Variants in POC1B observed in about 807,000 individuals in gnomAD.
POC1B encodes POC1 centriolar protein B, also known as POC1 centriolar protein homolog B.
POC1B carries 44 observed loss-of-function variants against 60.6 expected under a neutral mutation model. That is an observed-to-expected ratio of 0.73 (90% confidence interval 0.57 to 0.93). The LOEUF (loss-of-function observed/expected upper bound fraction) is 0.93. Ranked by LOEUF, POC1B falls within the 40% of genes least tolerant of loss-of-function variation. POC1B has a pLI of 0.00. For synonymous variants in POC1B, 180 were observed against 198.9 expected, an observed-to-expected ratio of 0.90 and a Z score of 0.80; for missense variants, 555 against 572.3, an observed-to-expected ratio of 0.97 and a Z score of 0.31.
Position 89,459,697 on chromosome 12 carries a change from T to G in POC1B, c.1054A>C (p.Ile352Leu). Residue 352 changes from isoleucine to leucine, a missense_variant, in exon 10 of 12, where the codon ATC becomes CTC. Physicochemically the swap from Ile to Leu is conservative, Grantham distance 5 (BLOSUM62 2). Coordinates refer to ENST00000313546, the MANE Select transcript of POC1B (RefSeq NM_172240.3). ...TVEINPKLEV[I>L]DLQISTPPVM... is the part of the protein sequence containing the mutation. ...GGGGGAGTAGAGATCTGCAAATCGATTACCTCAAGCTTTGGATTAATCTGT... is the reference window on the plus strand; with the variant it reads ...GGGGGAGTAGAGATCTGCAAATCGAGTACCTCAAGCTTTGGATTAATCTGT... The G allele has an allele frequency of 6.5e-7, 1 of 1,545,756 alleles. No homozygotes were observed. The highest frequency in any genetic ancestry group is 2.3e-5 in the East Asian group (1 of 42,792).
intron 2 of POC1B, chr12:89,502,687 T>G: frequency 1.5e-6 from 2 of 1,333,844 alleles, no homozygotes; most frequent in South Asian, 1.2e-5. Context: ...TGAAGGTATA[T>G]AACACATTGG....
chr12:89,433,298 A>G (rs1370621702), intron 10 of POC1B, among the ~76,000 whole-genome samples: 1 of 152,312 alleles, frequency 6.6e-6, no homozygotes, highest in South Asian at 2.1e-4. Flanking sequence ...TGATAGAAAG[A>G]GCAAGCATAA....
At chr12:89,502,427 C>A in intron 2 of POC1B, 1 of 1,363,790 alleles carries the variant, frequency 7.3e-7, no homozygotes, top group Non-Finnish European at 1.0e-6. Context: ...GGAATACTAT[C>A]TCCAGGCAAA....
intron 10 of POC1B, among the ~76,000 whole-genome samples, chr12:89,436,185 T>C (rs539215426): frequency 6.6e-5 from 10 of 152,070 alleles, no homozygotes; most frequent in African/African-American, 2.2e-4. Context: ...TCTCTTGACC[T>C]TGTGATCCAC....
At chr12:89,407,408 T>C in the POC1B span, among the ~76,000 whole-genome samples, 3 of 151,896 alleles carry the variant, frequency 2.0e-5, no homozygotes, top group African/African-American at 7.2e-5. Context: ...AATTTTTTTT[T>C]GTATTTTTAG....
At chr12:89,524,557 C>G in intron 2 of POC1B, 1 of 1,610,958 alleles carries the variant, frequency 6.2e-7, no homozygotes, top group African/African-American at 1.3e-5. Context: ...CATCCGGATT[C>G]TCAGGGCTGA....
At chr12:89,456,236 G>C (rs1294034985) in intron 10 of POC1B, among the ~76,000 whole-genome samples, 4 of 152,206 alleles carry the variant, frequency 2.6e-5, no homozygotes, top group African/African-American at 9.6e-5. Flanking sequence ...GGCCAGGCTA[G>C]TCCGGAACCC....
At position 89,419,902 on chromosome 12, in the gene POC1B, C is replaced by T. The variant is rs998102296; in HGVS notation, c.*1251G>A. The stretch of plus-strand genomic sequence containing the variant: ...GTATGATATTAAAAGGCACTTATAA[C>T]ACACAATAAGATACTTAGAAACCCA... On this transcript the variant is annotated 3_prime_UTR_variant, in exon 12 of 12. Coordinates refer to ENST00000313546, the MANE Select transcript of POC1B (RefSeq NM_172240.3). 5 of 152,102 alleles carry T rather than the reference C, an allele frequency of 3.3e-5. No individual in the cohort carries two copies. Among genetic ancestry groups the T allele is most frequent in the Non-Finnish European group, 5.9e-5 (4 of 68,014 alleles). 9.4% of individuals were successfully genotyped at this position (152,102 alleles called of 1,614,324 possible).
At chr12:89,412,957 A>G in the POC1B span, among the ~76,000 whole-genome samples, 1 of 146,788 alleles carries the variant, frequency 6.8e-6, no homozygotes, top group Non-Finnish European at 1.5e-5. Context: ...GAGTGCAAGT[A>G]GCATGATATC....
At chr12:89,436,729 A>C (rs1881284337) in intron 10 of POC1B, among the ~76,000 whole-genome samples, 1 of 151,024 alleles carries the variant, frequency 6.6e-6, no homozygotes, top group African/African-American at 2.4e-5. Context: ...AAAAACAACC[A>C]AAAAAAAACC....
At chr12:89,482,929 T>C (rs1484305726) in intron 4 of POC1B, among the ~76,000 whole-genome samples, 1 of 151,540 alleles carries the variant, frequency 6.6e-6, no homozygotes, top group Non-Finnish European at 1.5e-5. Context: ...GCTATTCTTT[T>C]TTTTTTTTTT....
chr12:89,446,596 T>A (rs886935141), intron 10 of POC1B, among the ~76,000 whole-genome samples: 2 of 152,012 alleles, frequency 1.3e-5, no homozygotes, highest in Non-Finnish European at 2.9e-5. Context: ...ACACTGGGGC[T>A]TGTCGTGGGA....
At chr12:89,424,319 G>T (rs1880660995) in intron 11 of POC1B, among the ~76,000 whole-genome samples, 1 of 152,200 alleles carries the variant, frequency 6.6e-6, no homozygotes, top group African/African-American at 2.4e-5. Flanking sequence ...TGAAAACCAG[G>T]TATATGTACA....
intron 4 of POC1B, among the ~76,000 whole-genome samples, chr12:89,477,894 C>G (rs1204451044): frequency 1.3e-5 from 2 of 152,130 alleles, no homozygotes. Flanking sequence ...TGCTCTTGCT[C>G]AGATGCTTCC....
chr12:89,447,985 C>G (rs900753796), intron 10 of POC1B, among the ~76,000 whole-genome samples: 1 of 151,844 alleles, frequency 6.6e-6, no homozygotes, highest in Non-Finnish European at 1.5e-5. Context: ...CTGAGGAACA[C>G]TAAGAGAGAG....
At chr12:89,501,749 A>C (rs1869578559) in intron 2 of POC1B, 1 of 921,324 alleles carries the variant, frequency 1.1e-6, no homozygotes, top group Admixed American at 1.8e-5. Flanking sequence ...ATAAGAAATG[A>C]ATTACCACTG....
chr12:89,412,520 A>C, the POC1B span, among the ~76,000 whole-genome samples: 27 of 151,762 alleles, frequency 1.8e-4, no homozygotes, highest in Admixed American at 3.9e-4. Flanking sequence ...CTCTACTAAA[A>C]ACACAAAAAT....
chr12:89,491,460 C>T (rs111304986), intron 4 of POC1B, among the ~76,000 whole-genome samples: 3,760 of 151,728 alleles, frequency 0.025, 72 homozygotes, highest in Non-Finnish European at 0.036. Context: ...CCTGTCTCTA[C>T]TAAAAATACA....
chr12:89,428,617 CGCAAT>C (rs1880877976), intron 10 of POC1B: 2 of 151,918 alleles, frequency 1.3e-5, no homozygotes, highest in South Asian at 4.1e-4. Context: ...AGTGCAGTGG[CGCAAT>C]CTCAGCTCAC....
Sources: gnomAD v4.1 joint callset for allele counts (sites outside exome capture counted in the v4.1 genomes callset) on GRCh38, gnomAD v4.1.1 for gene constraint, MANE v1.5 for transcripts, NCBI Gene and HGNC (gene_info 2026-07-23, HGNC 2026-07-21) for gene names.